Variants in PCDHA6 observed in about 807,000 individuals in gnomAD.
The protein encoded by PCDHA6 is protocadherin alpha 6, also known as protocadherin alpha-6.
A neutral mutation model predicts 60.3 loss-of-function variants in PCDHA6; 55 were observed. The observed-to-expected ratio is 0.91, with a 90% CI of 0.73 to 1.14. The LOEUF is 1.14. Among genes scored for constraint, PCDHA6 ranks in the 50% most tolerant of loss-of-function variants. PCDHA6 has a pLI of 0.00. For missense variants in PCDHA6, 1,327 were observed against 1,256.5 expected (o/e 1.06, Z -0.85); for synonymous variants, 652 against 557.9 (o/e 1.17, Z -2.38).
chr5:140,887,385 C>T (rs1015937560), intron 1 of PCDHA6, among the ~76,000 whole-genome samples: 3 of 152,124 alleles, frequency 2.0e-5, no homozygotes, highest in Admixed American at 6.5e-5. Context: ...TGTGAGCCAC[C>T]GCGCCCGGCT....
chr5:141,008,837 C>G (rs1460664317), intron 3 of PCDHA6, among the ~76,000 whole-genome samples: 1 of 152,178 alleles, frequency 6.6e-6, no homozygotes, highest in Non-Finnish European at 1.5e-5. Flanking sequence ...CATCCTCTTA[C>G]GCTGTGTATT....
intron 1 of PCDHA6, chr5:140,870,622 G>A (rs377101052): frequency 6.2e-7 from 1 of 1,613,120 alleles, no homozygotes; most frequent in Admixed American, 1.7e-5. Flanking sequence ...GTCGAGCTAC[G>A]TGTCGGTGCA....
intron 1 of PCDHA6, among the ~76,000 whole-genome samples, chr5:140,975,809 TA>T (rs146252033): frequency 0.06 from 9,090 of 152,310 alleles, 381 homozygotes; most frequent in East Asian, 0.11. Context: ...TTTATAATTT[TA>T]ATAGGAACTG....
intron 1 of PCDHA6, chr5:140,875,542 T>G: frequency 6.2e-7 from 1 of 1,614,134 alleles, no homozygotes. Context: ...CCTTGCAGCC[T>G]GGGAGGTGGG....
intron 2 of PCDHA6, among the ~76,000 whole-genome samples, chr5:140,981,563 G>A (rs2096938689): frequency 6.6e-6 from 1 of 152,110 alleles, no homozygotes; most frequent in African/African-American, 2.4e-5. Flanking sequence ...GACAGAGTGA[G>A]GCTTTGTCTC....
intron 1 of PCDHA6, among the ~76,000 whole-genome samples, chr5:140,909,245 G>T (rs189143592): frequency 2.6e-5 from 4 of 152,288 alleles, no homozygotes; most frequent in African/African-American, 7.2e-5. Flanking sequence ...AAGATATATT[G>T]CTGGCCTTGC....
At chr5:140,927,993 A>G (rs782756882) in intron 1 of PCDHA6, 66 of 1,614,068 alleles carry the variant, frequency 4.1e-5, no homozygotes, top group Non-Finnish European at 5.4e-5. Flanking sequence ...TAAAGGATGA[A>G]GACCTCGATT....
At chr5:140,978,455 G>A (rs782473387) in intron 1 of PCDHA6, among the ~76,000 whole-genome samples, 21 of 152,302 alleles carry the variant, frequency 1.4e-4, no homozygotes, top group Non-Finnish European at 2.8e-4. Context: ...GGGCACATCC[G>A]CCCTGGGTCA....
intron 3 of PCDHA6, among the ~76,000 whole-genome samples, chr5:140,998,010 C>A (rs2097793505): frequency 6.6e-6 from 1 of 152,096 alleles, no homozygotes; most frequent in Admixed American, 6.6e-5. Flanking sequence ...GCCTTCCATC[C>A]CCACCTCGAG....
intron 1 of PCDHA6, among the ~76,000 whole-genome samples, chr5:140,974,406 T>C (rs903349256): frequency 3.9e-5 from 6 of 152,226 alleles, no homozygotes; most frequent in Non-Finnish European, 8.8e-5. Flanking sequence ...GTTCTAAAGT[T>C]ATGTTTATTT....
chr5:140,933,494 T>C (rs901456699), intron 1 of PCDHA6, among the ~76,000 whole-genome samples: 3 of 152,110 alleles, frequency 2.0e-5, no homozygotes, highest in Non-Finnish European at 4.4e-5. Context: ...TTCTTTAGAA[T>C]TGTTAAGCAA....
At chr5:140,928,220 C>G in intron 1 of PCDHA6, 1 of 1,614,166 alleles carries the variant, frequency 6.2e-7, no homozygotes. Context: ...GACAATACAC[C>G]AAACTTTCCT....
intron 1 of PCDHA6, among the ~76,000 whole-genome samples, chr5:140,899,434 A>G (rs1583342387): frequency 6.6e-6 from 1 of 152,206 alleles, no homozygotes; most frequent in East Asian, 1.9e-4. Flanking sequence ...TCTTTTCTGC[A>G]TCTATTGAGA....
At chr5:140,880,731 GAA>G (rs2058452770) in intron 1 of PCDHA6, among the ~76,000 whole-genome samples, 1 of 152,216 alleles carries the variant, frequency 6.6e-6, no homozygotes, top group Non-Finnish European at 1.5e-5. Flanking sequence ...GAAGCATAGA[GAA>G]AATGGATTGT....
chr5:140,969,040 A>G (rs1554231380), intron 1 of PCDHA6: 1 of 1,614,150 alleles, frequency 6.2e-7, no homozygotes. Context: ...AACTGTACAA[A>G]CAAGCCAACA....
At chr5:140,855,165 T>C (rs1172731300) in intron 1 of PCDHA6, among the ~76,000 whole-genome samples, 1 of 149,930 alleles carries the variant, frequency 6.7e-6, no homozygotes, top group Non-Finnish European at 1.5e-5. Context: ...TTGAGCCTCA[T>C]GAAAACAAAT....
At position 141,010,228 on chromosome 5, in the gene PCDHA6, C is replaced by T. The variant is rs1290626143; in HGVS notation, c.*291C>T. The stretch of plus-strand genomic sequence containing the variant: ...CCGCAAAGGAGAGGCTTCCCAGCCC[C>T]GCCAGTGAGAGGTTGGACTCTCTGC... On this transcript the variant is annotated 3_prime_UTR_variant, in exon 4 of 4. Coordinates refer to ENST00000529310, the MANE Select transcript of PCDHA6 (RefSeq NM_018909.4). 35 of 1,551,916 alleles carry T rather than the reference C, an allele frequency of 2.3e-5. No homozygotes were observed. The highest frequency in any genetic ancestry group is 2.8e-5 in the Non-Finnish European group (32 of 1,147,054).
At chr5:140,987,124 G>T (rs2097230182) in intron 3 of PCDHA6, among the ~76,000 whole-genome samples, 1 of 151,678 alleles carries the variant, frequency 6.6e-6, no homozygotes, top group Non-Finnish European at 1.5e-5. Flanking sequence ...TGAGGCAGGA[G>T]AATTGCTTGA....
intron 1 of PCDHA6, among the ~76,000 whole-genome samples, chr5:140,838,428 T>G (rs1373601057): frequency 6.6e-6 from 1 of 151,638 alleles, no homozygotes; most frequent in Non-Finnish European, 1.5e-5. Context: ...CCGGCCTAAA[T>G]TATATATTGG....
Sources: gnomAD v4.1 joint callset for allele counts (sites outside exome capture counted in the v4.1 genomes callset) on GRCh38, gnomAD v4.1.1 for gene constraint, MANE v1.5 for transcripts, NCBI Gene and HGNC (gene_info 2026-07-23, HGNC 2026-07-21) for gene names.